Variants in FGF14 observed in about 807,000 individuals in gnomAD.
The protein encoded by FGF14 is fibroblast growth factor homologous factor 4.
FGF14 carries 5 observed loss-of-function variants against 25.5 expected under a neutral mutation model. That is an observed-to-expected ratio of 0.20 (90% CI 0.10 to 0.41). FGF14 has a LOEUF of 0.41. Among genes scored for constraint, FGF14 ranks in the 10% least tolerant of loss-of-function variants. FGF14 has a pLI of 1.00. For synonymous variants in FGF14, 138 were observed against 118.3 expected, an observed-to-expected ratio of 1.17 and a Z score of -1.08; for missense variants, 222 against 320.1, an observed-to-expected ratio of 0.69 and a Z score of 2.34.
At chr13:101,951,934 G>A (rs1359123411) in intron 1 of FGF14, among the ~76,000 whole-genome samples, 3 of 152,044 alleles carry the variant, frequency 2.0e-5, no homozygotes, top group Non-Finnish European at 2.9e-5. Context: ...ATTTGAGTAT[G>A]GCCAATATAT....
chr13:102,028,636 A>G (rs2041054688), intron 1 of FGF14, among the ~76,000 whole-genome samples: 1 of 152,062 alleles, frequency 6.6e-6, no homozygotes, highest in Non-Finnish European at 1.5e-5. Flanking sequence ...TAAATACTCC[A>G]TGTATTGAGG....
chr13:102,361,980 G>A (rs1237492190), intron 1 of FGF14, among the ~76,000 whole-genome samples: 1 of 152,052 alleles, frequency 6.6e-6, no homozygotes, highest in Non-Finnish European at 1.5e-5. Context: ...TTGGTATCAT[G>A]TCCTCTTCTC....
At chr13:101,737,632 A>AT (rs1442616654) in intron 3 of FGF14, among the ~76,000 whole-genome samples, 1 of 152,032 alleles carries the variant, frequency 6.6e-6, no homozygotes, top group Non-Finnish European at 1.5e-5. Context: ...CAAATTTGTG[A>AT]TTTTTACTCT....
intron 1 of FGF14, among the ~76,000 whole-genome samples, chr13:101,915,864 C>A (rs1442967394): frequency 6.6e-6 from 1 of 152,228 alleles, no homozygotes; most frequent in African/African-American, 2.4e-5. Context: ...GAGCCCAGGG[C>A]TGCGCGCTAA....
intron 1 of FGF14, among the ~76,000 whole-genome samples, chr13:102,256,639 G>A (rs889461094): frequency 4.6e-5 from 7 of 152,148 alleles, no homozygotes; most frequent in African/African-American, 7.2e-5. Context: ...ACATCTTCTG[G>A]AATTTCCCAC....
At chr13:102,111,535 C>A (rs938442422) in intron 1 of FGF14, among the ~76,000 whole-genome samples, 1 of 151,900 alleles carries the variant, frequency 6.6e-6, no homozygotes, top group African/African-American at 2.4e-5. Flanking sequence ...AGCAACATGG[C>A]AAAATCCTGT....
intron 1 of FGF14, among the ~76,000 whole-genome samples, chr13:101,910,636 C>A (rs1242812697): frequency 6.6e-6 from 1 of 152,066 alleles, no homozygotes; most frequent in African/African-American, 2.4e-5. Context: ...ACTGTGTCTG[C>A]ATTTCTACGC....
chr13:102,025,955 T>C (rs376744098), intron 1 of FGF14, among the ~76,000 whole-genome samples: 1 of 152,018 alleles, frequency 6.6e-6, no homozygotes, highest in African/African-American at 2.4e-5. Flanking sequence ...CATTTGTAAA[T>C]AGAGTTAATT....
chr13:102,055,403 T>C (rs1200164845), intron 1 of FGF14, among the ~76,000 whole-genome samples: 1 of 152,246 alleles, frequency 6.6e-6, no homozygotes, highest in East Asian at 1.9e-4. Context: ...TGTGCTTTCA[T>C]AGTACTTTGT....
chr13:102,298,325 G>A (rs566462987), intron 1 of FGF14, among the ~76,000 whole-genome samples: 26 of 152,240 alleles, frequency 1.7e-4, no homozygotes, highest in African/African-American at 6.3e-4. Flanking sequence ...AAAGAACACA[G>A]GGTGGAGCTA....
chr13:101,736,034 C>G (rs923424508), intron 3 of FGF14, among the ~76,000 whole-genome samples: 1 of 152,150 alleles, frequency 6.6e-6, no homozygotes, highest in African/African-American at 2.4e-5. Context: ...CAAAACGTTT[C>G]TTTGTTTGAC....
intron 1 of FGF14, among the ~76,000 whole-genome samples, chr13:102,245,143 A>T: frequency 6.6e-6 from 1 of 152,074 alleles, no homozygotes; most frequent in Non-Finnish European, 1.5e-5. Flanking sequence ...CCCAAATGCC[A>T]TCTACAGCCT....
At chr13:102,146,670 G>A (rs985734181) in intron 1 of FGF14, among the ~76,000 whole-genome samples, 5 of 151,950 alleles carry the variant, frequency 3.3e-5, no homozygotes, top group Admixed American at 3.3e-4. Flanking sequence ...TAACATCTAG[G>A]CCACCACTCT....
intron 1 of FGF14, among the ~76,000 whole-genome samples, chr13:102,224,751 T>A (rs1297490156): frequency 6.6e-6 from 1 of 152,186 alleles, no homozygotes; most frequent in Non-Finnish European, 1.5e-5. Context: ...AGACATTATA[T>A]AATTACTCAA....
chr13:102,202,854 T>C (rs1484628698), intron 1 of FGF14, among the ~76,000 whole-genome samples: 1 of 152,230 alleles, frequency 6.6e-6, no homozygotes, highest in Non-Finnish European at 1.5e-5. Flanking sequence ...CTTAGAATAC[T>C]GCAGTGCTGC....
rs115085008 is a variant in FGF14 at position 102,229,374 on chromosome 13, C to T, written c.208+172097G>A. On this transcript the variant is annotated intron_variant, in intron 1 of 4. Transcript: ENST00000376131. The stretch of plus-strand genomic sequence containing the variant: ...CTTCATCCCCACAACAAGCTTACAG[C>T]TTAGAACGACTATTATCACCGTTTC... 2.2e-3 allele frequency among the ~76,000 whole-genome samples: 341 copies of T among 152,310 alleles called. 3 individuals carry two copies. The highest frequency in any genetic ancestry group is 8.0e-3 in the African/African-American group (331 of 41,566).
Position 102,199,339 on chromosome 13 carries a change from A to G in FGF14, c.208+202132T>C, listed in dbSNP as rs1178737469. On this transcript the variant is annotated intron_variant, in intron 1 of 4. Coordinates refer to the FGF14 transcript ENST00000376131. ...TCTTTCCTTCTACCACTTTACCTCT[A>G]ATACTAGGATAACTAGCTAACATTT... 7.9e-5 allele frequency among the ~76,000 whole-genome samples: 12 copies of G among 152,330 alleles called. No homozygotes were observed. The East Asian group carries it at 1.9e-3, about 24-fold the overall frequency.
At chr13:102,304,342 T>C (rs1288172993) in intron 1 of FGF14, among the ~76,000 whole-genome samples, 2 of 152,124 alleles carry the variant, frequency 1.3e-5, no homozygotes, top group Non-Finnish European at 2.9e-5. Flanking sequence ...GCTACTCTGA[T>C]CCTAAATTCA....
intron 1 of FGF14, among the ~76,000 whole-genome samples, chr13:102,270,808 A>G (rs1284175380): frequency 1.3e-5 from 2 of 152,110 alleles, no homozygotes; most frequent in Admixed American, 1.3e-4. Context: ...TGATAGAGTA[A>G]ATATATTAGT....
Sources: allele counts gnomAD v4.1 joint callset (sites outside exome capture counted in the v4.1 genomes callset), GRCh38; gene constraint gnomAD v4.1.1; transcripts MANE v1.5; gene names NCBI Gene and HGNC (gene_info 2026-07-23, HGNC 2026-07-21).